CEP192: variants seen among roughly 807,000 people sequenced by gnomAD.
CEP192 encodes centrosomal protein 192.
CEP192 carries 151 observed loss-of-function variants against 271.8 expected under a neutral mutation model. The ratio of observed to expected loss-of-function variants is 0.56; its 90% confidence interval spans 0.49 to 0.64. The LOEUF (loss-of-function observed/expected upper bound fraction) is 0.64, where lower values mean the gene tolerates loss of function less well. CEP192 is among the 30% of genes least tolerant of loss of function. The probability of loss-of-function intolerance (pLI) is 0.00; values close to 1 mark genes in which losing one functional copy is unlikely to be tolerated. For missense variants in CEP192, 2,910 were observed against 3,020.5 expected (o/e 0.96, Z 0.86); for synonymous variants, 995 against 1,076.5 (o/e 0.92, Z 1.48).
At chr18:13,103,439 G>T in intron 38 of CEP192, 70 bp from the exon 39 acceptor site, 2 of 1,207,420 alleles carry the variant, frequency 1.7e-6, no homozygotes, top group East Asian at 2.3e-5. Flanking sequence ...AGGTAGTTAG[G>T]CCTGTCACAG....
intron 3 of CEP192, among the ~76,000 whole-genome samples, chr18:13,007,696 T>TA (rs2034071348): frequency 6.6e-6 from 1 of 152,098 alleles, no homozygotes; most frequent in Non-Finnish European, 1.5e-5. Context: ...ACAGCCCCAG[T>TA]AAAGAGATGG....
rs552202874 is a variant in CEP192 at position 13,064,611 on chromosome 18, C to CAA, written c.4489-3202_4489-3201dup. Among the ~76,000 whole-genome samples, 160 of 64,434 alleles carry CAA rather than the reference C, an allele frequency of 2.5e-3. 1 individual carries two copies. Among genetic ancestry groups the CAA allele is most frequent in the African/African-American group, 6.8e-3 (134 of 19,836 alleles). The allele number at this position is 64,434 out of a possible 152,430, so 42.3% of individuals were successfully genotyped here. A position where few individuals can be genotyped will look rare whatever the true frequency, so the allele number is the denominator to read the frequency against. ...TGGGCGACAGAGTGAGACTCCATCTCAAAAAAAAAAAAAAAAAAAGAGTTG... is the reference window on the plus strand; with the variant it reads ...TGGGCGACAGAGTGAGACTCCATCTCAAAAAAAAAAAAAAAAAAAAAGAGTTG... On this transcript the variant is annotated intron_variant, in intron 21 of 44. Transcript: ENST00000506447.
At position 13,059,176 on chromosome 18, in the gene CEP192, C is replaced by T. The variant is rs147843429; in HGVS notation, c.4352C>T (p.Ser1451Phe). Residue 1451 changes from serine (S) to phenylalanine (F), a missense_variant, in exon 21 of 45, where the codon TCC becomes TTC. Ser to Phe is a radical substitution (Grantham distance 155). Transcript: ENST00000506447. ...GAGATAAAAGTGCTTTTTATACCATCCAGTCCTGGGGTTTTCAGATGCACA... is the reference window on the plus strand; with the variant it reads ...GAGATAAAAGTGCTTTTTATACCATTCAGTCCTGGGGTTTTCAGATGCACA... ...TEEIKVLFIP[S>F]SPGVFRCTFS... is the part of the protein sequence containing the mutation. The T allele has an allele frequency of 2.6e-4, 416 of 1,614,040 alleles. 1 individual carries two copies. The highest frequency in any genetic ancestry group is 3.3e-4 in the Non-Finnish European group (384 of 1,179,908).
At chr18:13,106,361 C>T (rs2039945814) in intron 40 of CEP192, among the ~76,000 whole-genome samples, 1 of 151,770 alleles carries the variant, frequency 6.6e-6, no homozygotes, top group Admixed American at 6.6e-5. Context: ...CAGTGACAGC[C>T]ACACCCCACA....
At chr18:13,116,831 G>C (rs2040455743) in intron 43 of CEP192, among the ~76,000 whole-genome samples, 1 of 152,118 alleles carries the variant, frequency 6.6e-6, no homozygotes, top group South Asian at 2.1e-4. Context: ...GGATAGTCTT[G>C]ATTTCCTGAC....
intron 28 of CEP192, among the ~76,000 whole-genome samples, chr18:13,071,654 T>C (rs191041750): frequency 1.2e-3 from 182 of 152,316 alleles, no homozygotes; most frequent in African/African-American, 4.3e-3. Flanking sequence ...CCACACCGAA[T>C]GGAGCACCGA....
At chr18:13,030,746 A>T in intron 11 of CEP192, 138 bp downstream of exon 11, 1 of 655,502 alleles carries the variant, frequency 1.5e-6, no homozygotes, top group Non-Finnish European at 2.5e-6. Context: ...ACTTGTTTTT[A>T]TAGGACCCAA....
At chr18:13,112,080 G>A (rs1221768381) in intron 40 of CEP192, among the ~76,000 whole-genome samples, 3 of 152,196 alleles carry the variant, frequency 2.0e-5, no homozygotes, top group Non-Finnish European at 2.9e-5. Context: ...TTCTCAATAA[G>A]CCAAACATAG....
At chr18:13,092,769 C>T (rs1306304668) in intron 34 of CEP192, among the ~76,000 whole-genome samples, 2 of 152,078 alleles carry the variant, frequency 1.3e-5, no homozygotes, top group African/African-American at 4.8e-5. Context: ...CCACCTTTAC[C>T]TTATCATCCT....
intron 2 of CEP192, among the ~76,000 whole-genome samples, chr18:12,999,828 ATTTTTT>A (rs36207281): frequency 8.9e-5 from 11 of 124,038 alleles, no homozygotes; most frequent in African/African-American, 3.0e-4. Context: ...ATTTCGGTCT[ATTTTTT>A]TTTTTTTTTT....
chr18:13,021,292 A>C (rs1189864038), intron 9 of CEP192, among the ~76,000 whole-genome samples: 1 of 152,226 alleles, frequency 6.6e-6, no homozygotes, highest in Non-Finnish European at 1.5e-5. Context: ...TTTTATATAT[A>C]GTGTTAGGTA....
intron 13 of CEP192, among the ~76,000 whole-genome samples, chr18:13,038,792 C>A (rs1441071325): frequency 2.6e-5 from 4 of 152,132 alleles, no homozygotes; most frequent in African/African-American, 9.7e-5. Context: ...TCCTCTGTGC[C>A]TGAATTTCCC....
intron 2 of CEP192, chr18:13,000,250 A>G (rs2033557301): frequency 6.6e-6 from 1 of 151,950 alleles, no homozygotes; most frequent in Non-Finnish European, 1.5e-5. Context: ...GTGAGCTACC[A>G]TACCTGGCCT....
At chr18:13,013,300 G>T (rs1479193263) in intron 5 of CEP192, among the ~76,000 whole-genome samples, 3 of 152,128 alleles carry the variant, frequency 2.0e-5, no homozygotes, top group African/African-American at 7.2e-5. Context: ...GCTTCATCTA[G>T]AATGTTAGCT....
intron 27 of CEP192, 57 bp from the exon 28 acceptor site, chr18:13,070,982 A>G (rs1478759125): frequency 1.8e-5 from 25 of 1,410,786 alleles, no homozygotes; most frequent in Non-Finnish European, 2.4e-5. Flanking sequence ...CATATAGGAA[A>G]TAGTTGCGAA....
intron 36 of CEP192, among the ~76,000 whole-genome samples, chr18:13,096,865 C>T (rs2039426570): frequency 6.6e-6 from 1 of 152,190 alleles, no homozygotes; most frequent in African/African-American, 2.4e-5. Context: ...TACACAGCTG[C>T]CTGCCCTCTG....
chr18:13,108,177 G>A (rs1443399083), intron 40 of CEP192, among the ~76,000 whole-genome samples: 1 of 152,108 alleles, frequency 6.6e-6, no homozygotes, highest in African/African-American at 2.4e-5. Context: ...TTGAACATAA[G>A]ACCTCAAACT....
chr18:13,064,027 G>A (rs1226953093), intron 21 of CEP192, among the ~76,000 whole-genome samples: 3 of 151,494 alleles, frequency 2.0e-5, no homozygotes, highest in Non-Finnish European at 4.4e-5. Context: ...CACCATATTG[G>A]CCAGGCTGGT....
At chr18:13,120,975 CT>C (rs1437432930) in intron 44 of CEP192, among the ~76,000 whole-genome samples, 1 of 152,156 alleles carries the variant, frequency 6.6e-6, no homozygotes, top group Non-Finnish European at 1.5e-5. Context: ...CTGTGTTGAC[CT>C]TGGAGAAGCA....
Sources: gnomAD v4.1 joint callset for allele counts (sites outside exome capture counted in the v4.1 genomes callset) on GRCh38, gnomAD v4.1.1 for gene constraint, MANE v1.5 for transcripts, NCBI Gene and HGNC (gene_info 2026-07-23, HGNC 2026-07-21) for gene names.